HEATR5B: variants seen among roughly 807,000 people sequenced by gnomAD.
HEATR5B encodes the protein HEAT repeat containing 5B.
Under a neutral mutation model 224.1 loss-of-function variants are expected in HEATR5B, and 156 were observed. The ratio of observed to expected loss-of-function variants is 0.70; its 90% CI spans 0.61 to 0.80. HEATR5B has a LOEUF of 0.80. HEATR5B is among the 30% of genes least tolerant of loss of function. HEATR5B has a pLI of 0.00. For missense variants in HEATR5B, 2,323 were observed against 2,535.5 expected, an observed-to-expected ratio of 0.92 and a Z score of 1.80; for synonymous variants, 1,027 against 893.0, an observed-to-expected ratio of 1.15 and a Z score of -2.68.
chr2:37,029,998 A>G (rs1669024296), intron 22 of HEATR5B, among the ~76,000 whole-genome samples: 1 of 151,778 alleles, frequency 6.6e-6, no homozygotes, highest in African/African-American at 2.4e-5. Flanking sequence ...CCAAAGAGTA[A>G]CAACAACCAA....
At chr2:37,055,196 G>A (rs1482874103) in intron 16 of HEATR5B, 3 of 248,224 alleles carry the variant, frequency 1.2e-5, no homozygotes, top group Admixed American at 9.2e-5. Context: ...TGTATCATGA[G>A]CATCTTCTAT....
At chr2:36,994,265 G>A (rs901596183) in intron 33 of HEATR5B, among the ~76,000 whole-genome samples, 12 of 152,128 alleles carry the variant, frequency 7.9e-5, no homozygotes, top group Admixed American at 5.9e-4. Flanking sequence ...TTCTTGCAAC[G>A]TTTTTTAAAG....
intron 26 of HEATR5B, among the ~76,000 whole-genome samples, chr2:37,016,338 C>G (rs1217880552): frequency 6.6e-6 from 1 of 152,082 alleles, no homozygotes; most frequent in East Asian, 1.9e-4. Context: ...GTTTTGATCT[C>G]CTGACCTCGT....
chr2:37,015,811 G>C (rs1287343422), intron 26 of HEATR5B, among the ~76,000 whole-genome samples: 2 of 152,142 alleles, frequency 1.3e-5, no homozygotes, highest in African/African-American at 4.8e-5. Flanking sequence ...GCAAGTTCAA[G>C]GGTAATTACA....
intron 16 of HEATR5B, among the ~76,000 whole-genome samples, 192 bp downstream of exon 16, chr2:37,056,248 T>C (rs1334294700): frequency 6.6e-6 from 1 of 152,116 alleles, no homozygotes; most frequent in Non-Finnish European, 1.5e-5. Flanking sequence ...ACATAAAGTC[T>C]CAAATTATGT....
rs150905156 is a variant in HEATR5B, at chr2:37,070,292, C to T, written c.865G>A (p.Gly289Ser). Residue 289 changes from glycine to serine, a missense_variant, in exon 7 of 36, where the codon GGT becomes AGT. By Grantham distance (56) the Gly-to-Ser change is moderately conservative (BLOSUM62 0). Around this residue, in one of 12 missense-constraint regions of HEATR5B, gnomAD observed 5 missense variants for 21.0 expected, o/e 0.24. Transcript: ENST00000233099. ...LRGGSGFLKSGGEMLKVGGSV... is the reference protein window; with the variant it reads ...LRGGSGFLKSSGEMLKVGGSV... ...CCTCCAACTTTTAACATTTCTCCACCGCTCTTTAAGAAACCTGACCCTCCA... is the reference window on the plus strand; with the variant it reads ...CCTCCAACTTTTAACATTTCTCCACTGCTCTTTAAGAAACCTGACCCTCCA... 2.2e-4 allele frequency: 352 copies of T among 1,614,074 alleles called. 1 individual carries two copies. Among genetic ancestry groups the T allele is most frequent in the Admixed American group, 2.8e-4 (17 of 60,016 alleles).
chr2:37,081,152 T>C (rs921765189), intron 2 of HEATR5B, among the ~76,000 whole-genome samples: 2 of 152,170 alleles, frequency 1.3e-5, no homozygotes, highest in Non-Finnish European at 2.9e-5. Flanking sequence ...GGAGTGGAAG[T>C]AAATCCCCAG....
At chr2:37,026,901 C>T (rs1027790526) in intron 24 of HEATR5B, among the ~76,000 whole-genome samples, 2 of 152,138 alleles carry the variant, frequency 1.3e-5, no homozygotes, top group African/African-American at 2.4e-5. Context: ...CAGGTTCAAG[C>T]GATTCTCCTG....
At chr2:36,984,364 A>G (rs1336562024) in intron 35 of HEATR5B, among the ~76,000 whole-genome samples, 2 of 151,528 alleles carry the variant, frequency 1.3e-5, no homozygotes, top group East Asian at 3.9e-4. Context: ...AAAACAGTAG[A>G]CAGCACATAG....
intron 27 of HEATR5B, among the ~76,000 whole-genome samples, 177 bp from the exon 28 acceptor site, chr2:37,009,025 C>A (rs1279207265): frequency 6.6e-6 from 1 of 151,666 alleles, no homozygotes; most frequent in East Asian, 1.9e-4. Context: ...TTTGGGAGGC[C>A]AAGGCGGGTA....
chr2:37,006,871 ATAATT>A (rs1667457687), intron 29 of HEATR5B, among the ~76,000 whole-genome samples, 174 bp downstream of exon 29: 1 of 152,202 alleles, frequency 6.6e-6, no homozygotes, highest in African/African-American at 2.4e-5. Context: ...GTAGTTTTTA[ATAATT>A]TAATTTCTAG....
rs1348716800 is a variant in HEATR5B, at chr2:37,037,778, T to G, written c.3216+77A>C. 6.8e-6 allele frequency: 7 copies of G among 1,029,466 alleles called. No individual in the cohort carries two copies. In the African/African-American group the frequency reaches 8.3e-5, roughly 12 times the overall value. 63.8% of individuals were successfully genotyped at this position (1,029,466 alleles called of 1,614,324 possible). A position where few individuals can be genotyped will look rare whatever the true frequency, so the allele number is the denominator to read the frequency against. ...ACCCCAAAAATATATATAGCTAGTA[T>G]GTATCCATAAAAAATTTTTTAAATG... On this transcript the variant is annotated intron_variant, in intron 21 of 35. Coordinates refer to ENST00000233099, the MANE Select transcript of HEATR5B (RefSeq NM_019024.3).
At chr2:37,045,006 T>C (rs1409686827) in intron 18 of HEATR5B, among the ~76,000 whole-genome samples, 1 of 152,214 alleles carries the variant, frequency 6.6e-6, no homozygotes, top group Non-Finnish European at 1.5e-5. Context: ...TTGTCTAACC[T>C]TCTGTAAATC....
intron 27 of HEATR5B, 103 bp from the exon 28 acceptor site, chr2:37,008,951 G>C (rs770833559): frequency 2.5e-5 from 21 of 825,980 alleles, no homozygotes; most frequent in Middle Eastern, 3.6e-4. Context: ...AGATAACTGG[G>C]TATAGATATT....
chr2:37,033,989 C>A (rs1446122135), intron 21 of HEATR5B, among the ~76,000 whole-genome samples: 1 of 152,108 alleles, frequency 6.6e-6, no homozygotes, highest in Non-Finnish European at 1.5e-5. Context: ...GTCCCAGACA[C>A]AAATGATGGG....
At chr2:37,023,526 T>C (rs1558744680) in intron 24 of HEATR5B, among the ~76,000 whole-genome samples, 1 of 152,156 alleles carries the variant, frequency 6.6e-6, no homozygotes. Flanking sequence ...CCTAGAACTT[T>C]GGGAGGCCAA....
At chr2:37,052,022 A>G (rs1028669393) in intron 17 of HEATR5B, among the ~76,000 whole-genome samples, 1 of 152,066 alleles carries the variant, frequency 6.6e-6, no homozygotes, top group Non-Finnish European at 1.5e-5. Flanking sequence ...TTACAGGCAT[A>G]AGCCACCACG....
intron 25 of HEATR5B, 84 bp from the exon 26 acceptor site, chr2:37,019,961 TGG>T: frequency 3.2e-6 from 3 of 936,324 alleles, no homozygotes; most frequent in Non-Finnish European, 4.9e-6. Context: ...TGGAGTGCAG[TGG>T]TGCGATCTCG....
Position 37,058,928 on chromosome 2 carries a change from A to C in HEATR5B, c.1909T>G (p.Leu637Val). Reference sequence around the variant, plus strand: ...ATGGCACATTCAATAGGGGTCATCAATTTTCGAATCACATCTTCAGTTAGT... The same window carrying C: ...ATGGCACATTCAATAGGGGTCATCACTTTTCGAATCACATCTTCAGTTAGT... The part of the protein sequence containing the change: ...ELLTEDVIRK[L>V]MTPIECAMTM... The change falls in exon 13 of 36, where the codon TTG becomes GTG. Residue 637 changes from leucine to valine, a missense_variant. Around this residue, in one of 12 missense-constraint regions of HEATR5B, gnomAD observed 502 missense variants for 517.8 expected, o/e 0.97. Coordinates refer to ENST00000233099, the MANE Select transcript of HEATR5B (RefSeq NM_019024.3). 6.2e-7 allele frequency: 1 copy of C among 1,611,188 alleles called. No individual in the cohort carries two copies. The highest frequency in any genetic ancestry group is 1.1e-5 in the South Asian group (1 of 90,626).
Sources: gnomAD v4.1 joint callset for allele counts (sites outside exome capture counted in the v4.1 genomes callset) on GRCh38, gnomAD v4.1.1 for gene constraint, gnomAD v4.1.1 regional missense constraint, MANE v1.5 for transcripts, NCBI Gene and HGNC (gene_info 2026-07-23, HGNC 2026-07-21) for gene names.